PTPRT: variants seen among roughly 807,000 people sequenced by gnomAD.
PTPRT encodes the protein protein tyrosine phosphatase receptor type T, also known as receptor-type tyrosine-protein phosphatase T.
Under a neutral mutation model 176.8 loss-of-function variants are expected in PTPRT, and 56 were observed. That is an observed-to-expected ratio of 0.32 (90% CI 0.26 to 0.40). The LOEUF is 0.40. PTPRT is among the 10% of genes least tolerant of loss of function. PTPRT has a pLI of 1.00. For synonymous variants in PTPRT, 783 were observed against 739.0 expected, an observed-to-expected ratio of 1.06 and a Z score of -0.96; for missense variants, 1,540 against 1,908.2, an observed-to-expected ratio of 0.81 and a Z score of 3.60.
At chr20:42,521,929 C>A (rs2072184254) in intron 7 of PTPRT, among the ~76,000 whole-genome samples, 1 of 152,016 alleles carries the variant, frequency 6.6e-6, no homozygotes, top group Admixed American at 6.6e-5. Context: ...AAAAATTTTA[C>A]TAAAACATGG....
At chr20:43,136,017 A>G (rs1372960615) in intron 1 of PTPRT, among the ~76,000 whole-genome samples, 1 of 152,234 alleles carries the variant, frequency 6.6e-6, no homozygotes, top group African/African-American at 2.4e-5. Flanking sequence ...GGAAATAGTC[A>G]GCTATTAAGC....
intron 2 of PTPRT, among the ~76,000 whole-genome samples, chr20:42,857,616 TTTGTGAAATCC>T (rs1176250952): frequency 6.6e-6 from 1 of 152,196 alleles, no homozygotes; most frequent in Non-Finnish European, 1.5e-5. Context: ...CTAAGTGGTC[TTTGTGAAATCC>T]TATTAGGATA....
At chr20:42,935,301 G>A (rs117384726) in intron 1 of PTPRT, among the ~76,000 whole-genome samples, 1,672 of 151,474 alleles carry the variant, frequency 0.011, 10 homozygotes, top group Non-Finnish European at 0.019. Context: ...CAGCACACCC[G>A]GCTAATTTCT....
At chr20:43,036,132 A>G (rs899444597) in intron 1 of PTPRT, among the ~76,000 whole-genome samples, 3 of 152,224 alleles carry the variant, frequency 2.0e-5, no homozygotes, top group Admixed American at 6.5e-5. Context: ...AAAAAGCAAC[A>G]AGATTATATT....
chr20:42,919,005 C>T (rs1978974425), intron 1 of PTPRT, among the ~76,000 whole-genome samples: 1 of 152,210 alleles, frequency 6.6e-6, no homozygotes, highest in African/African-American at 2.4e-5. Context: ...TAGCAAAGGA[C>T]ATCAGCTTCT....
intron 7 of PTPRT, among the ~76,000 whole-genome samples, chr20:42,527,612 C>T (rs867422044): frequency 6.6e-6 from 1 of 152,180 alleles, no homozygotes; most frequent in Non-Finnish European, 1.5e-5. Context: ...GCAGAAGGAG[C>T]AGAAGGGTCT....
intron 17 of PTPRT, among the ~76,000 whole-genome samples, chr20:42,148,271 T>G (rs965158981): frequency 6.6e-6 from 1 of 151,388 alleles, no homozygotes; most frequent in Admixed American, 6.6e-5. Flanking sequence ...TTTTTTTTTT[T>G]TTTTTTTTTT....
At chr20:42,638,414 C>A (rs775025823) in intron 7 of PTPRT, among the ~76,000 whole-genome samples, 2 of 152,092 alleles carry the variant, frequency 1.3e-5, no homozygotes, top group Non-Finnish European at 2.9e-5. Flanking sequence ...TCACCCTTCG[C>A]TCCTGCTCTA....
intron 9 of PTPRT, among the ~76,000 whole-genome samples, chr20:42,443,968 C>A (rs1455844754): frequency 6.6e-6 from 1 of 152,234 alleles, no homozygotes; most frequent in Non-Finnish European, 1.5e-5. Context: ...CTTATCCACA[C>A]AACAGCTGGA....
intron 5 of PTPRT, among the ~76,000 whole-genome samples, chr20:42,761,963 G>A (rs767483450): frequency 9.2e-5 from 14 of 152,224 alleles, no homozygotes; most frequent in Admixed American, 2.0e-4. Context: ...GGTAGAGAGT[G>A]CAGTGTTCCA....
rs1980617809 is a variant in PTPRT at position 42,942,489 on chromosome 20, G to A, written c.89-56557C>T. Reference sequence around the variant, plus strand: ...GTTCTTACTACACTTCACATTCATAGCCTTTATTGTTTTTGTAATTGTCTA... The same window carrying A: ...GTTCTTACTACACTTCACATTCATAACCTTTATTGTTTTTGTAATTGTCTA... On this transcript the variant is annotated intron_variant, in intron 1 of 30. Coordinates refer to ENST00000373187, the MANE Select transcript of PTPRT (RefSeq NM_007050.6). Among the ~76,000 whole-genome samples the A allele has an allele frequency of 2.0e-5, 3 of 152,290 alleles. No homozygotes were observed. The South Asian group carries it at 6.2e-4, about 32-fold the overall frequency.
intron 9 of PTPRT, among the ~76,000 whole-genome samples, chr20:42,409,481 CAAAAAAAAAAAAA>C (rs58932390): frequency 5.3e-5 from 6 of 112,164 alleles, no homozygotes; most frequent in East Asian, 3.0e-4. Context: ...GACTCTGTCG[CAAAAAAAAAAAAA>C]AAAAAAAAAA....
chr20:42,062,514 T>TA, the PTPRT span, among the ~76,000 whole-genome samples: 1 of 152,198 alleles, frequency 6.6e-6, no homozygotes, highest in Non-Finnish European at 1.5e-5. Context: ...AGAGGGGTTT[T>TA]ATCCGCTTTC....
chr20:42,910,444 A>G (rs555236713), intron 1 of PTPRT, among the ~76,000 whole-genome samples: 1 of 152,308 alleles, frequency 6.6e-6, no homozygotes, highest in Non-Finnish European at 1.5e-5. Context: ...GGGAAAAACT[A>G]TGTAAGATAG....
At chr20:43,180,283 C>T (rs1196586721) in intron 1 of PTPRT, among the ~76,000 whole-genome samples, 1 of 149,850 alleles carries the variant, frequency 6.7e-6, no homozygotes, top group Non-Finnish European at 1.5e-5. Flanking sequence ...AGCTTGCAGA[C>T]TGTGGGACTT....
intron 7 of PTPRT, among the ~76,000 whole-genome samples, chr20:42,670,688 C>T (rs6065523): frequency 0.17 from 25,279 of 152,140 alleles, 2,421 homozygotes; most frequent in East Asian, 0.24. Context: ...GCTGGGACTC[C>T]GCAAGACTAC....
In PTPRT at chr20:42,752,869, A is replaced by G. The variant is rs1054913840; in HGVS notation, c.859+3593T>C. Among the ~76,000 whole-genome samples the G allele has an allele frequency of 1.3e-4, 19 of 151,952 alleles. No individual in the cohort carries two copies. The East Asian group carries it at 3.7e-3, about 29-fold the overall frequency. ...CCTTCAAATGGGTCCCTGGGCACCC[A>G]CTCCAGGGTGACAGGTTTCCTCTGG... On this transcript the variant is annotated intron_variant, in intron 6 of 30. Coordinates refer to ENST00000373187, the MANE Select transcript of PTPRT (RefSeq NM_007050.6).
intron 19 of PTPRT, among the ~76,000 whole-genome samples, chr20:42,124,723 A>G (rs922988502): frequency 6.6e-6 from 1 of 152,196 alleles, no homozygotes; most frequent in East Asian, 1.9e-4. Flanking sequence ...GAATCCCTAT[A>G]GAGACCCCAG....
chr20:42,190,816 C>T (rs1483437837), intron 16 of PTPRT, among the ~76,000 whole-genome samples: 2 of 152,176 alleles, frequency 1.3e-5, no homozygotes, highest in East Asian at 1.9e-4. Flanking sequence ...ATAACATCTA[C>T]AGAAGGCAGC....
Sources: gnomAD v4.1 joint callset for allele counts (sites outside exome capture counted in the v4.1 genomes callset) on GRCh38, gnomAD v4.1.1 for gene constraint, MANE v1.5 for transcripts, NCBI Gene and HGNC (gene_info 2026-07-23, HGNC 2026-07-21) for gene names.